TRHDE: variants seen among roughly 807,000 people sequenced by gnomAD.
TRHDE encodes the protein thyrotropin-releasing hormone-degrading ectoenzyme.
In TRHDE, 72 loss-of-function variants were observed where a neutral mutation model predicts 125.7. The ratio of observed to expected loss-of-function variants is 0.57; its 90% confidence interval spans 0.47 to 0.70. The LOEUF is 0.70. Ranked by LOEUF, TRHDE falls within the 30% of genes least tolerant of loss-of-function variation. The probability of loss-of-function intolerance (pLI) is 0.00; values close to 1 mark genes in which losing one functional copy is unlikely to be tolerated. For missense variants in TRHDE, 1,110 were observed against 1,327.1 expected (o/e 0.84, Z 2.54); for synonymous variants, 509 against 509.1 (o/e 1.00, Z 0.00).
At chr12:72,641,411 A>G (rs1176934304) in intron 15 of TRHDE, among the ~76,000 whole-genome samples, 2 of 152,338 alleles carry the variant, frequency 1.3e-5, no homozygotes, top group African/African-American at 2.4e-5. Flanking sequence ...GAAAAGAAAG[A>G]GTAGTTACCT....
intron 2 of TRHDE, among the ~76,000 whole-genome samples, chr12:72,239,391 T>C (rs1394745301): frequency 6.6e-6 from 1 of 152,248 alleles, no homozygotes; most frequent in African/African-American, 2.4e-5. Flanking sequence ...TTTAGTTTAA[T>C]TAGACCCCAT....
At chr12:72,658,866 C>G (rs999569536) in intron 18 of TRHDE, among the ~76,000 whole-genome samples, 4 of 152,154 alleles carry the variant, frequency 2.6e-5, no homozygotes, top group Admixed American at 6.5e-5. Context: ...TTAACAGATG[C>G]TGCCTGAGGC....
chr12:72,314,861 G>A (rs1263541611), intron 2 of TRHDE, among the ~76,000 whole-genome samples: 1 of 152,110 alleles, frequency 6.6e-6, no homozygotes, highest in Admixed American at 6.5e-5. Flanking sequence ...TTGGAAATGT[G>A]GTTACACTTA....
chr12:72,096,951 G>A (rs1362986508), intron 1 of TRHDE, among the ~76,000 whole-genome samples: 1 of 152,178 alleles, frequency 6.6e-6, no homozygotes. Context: ...GCAGAAAAGA[G>A]TGCTAACAAA....
chr12:72,562,016 G>T, intron 7 of TRHDE, 149 bp from the exon 8 acceptor site: 1 of 464,028 alleles, frequency 2.2e-6, no homozygotes, highest in Non-Finnish European at 3.9e-6. Flanking sequence ...AATCTCTTTG[G>T]AATATTTTTA....
chr12:72,280,416 C>A (rs1053171931), intron 1 of TRHDE, among the ~76,000 whole-genome samples: 4 of 152,106 alleles, frequency 2.6e-5, no homozygotes, highest in African/African-American at 9.7e-5. Flanking sequence ...TTTGGGGTTT[C>A]CCCTTGCTGG....
intron 15 of TRHDE, among the ~76,000 whole-genome samples, chr12:72,634,007 G>T (rs1159864117): frequency 6.6e-6 from 1 of 152,032 alleles, no homozygotes; most frequent in Non-Finnish European, 1.5e-5. Context: ...AGAACAATTT[G>T]CTATTTTCCC....
At chr12:72,148,741 A>G (rs1876285632) in intron 2 of TRHDE, among the ~76,000 whole-genome samples, 2 of 152,190 alleles carry the variant, frequency 1.3e-5, no homozygotes, top group Non-Finnish European at 2.9e-5. Flanking sequence ...TCTTCCAAGC[A>G]CGTTTCAATC....
intron 3 of TRHDE, among the ~76,000 whole-genome samples, chr12:72,412,816 A>G (rs1565731936): frequency 6.6e-6 from 1 of 152,156 alleles, no homozygotes; most frequent in African/African-American, 2.4e-5. Flanking sequence ...AATTTCATGT[A>G]TATGAAATTA....
chr12:72,381,830 A>G lies in TRHDE; in HGVS notation c.1315+3709A>G, dbSNP rs1184406148. Among the ~76,000 whole-genome samples the G allele has an allele frequency of 9.8e-5, 15 of 152,324 alleles. No individual in the cohort carries two copies. In the South Asian group the frequency reaches 1.9e-3, roughly 19 times the overall value. ...TGAGACAGAAGGATTGTGGAAGGTGATAATTTTTGAGACTGACATGTCTAT... is the reference window on the plus strand; with the variant it reads ...TGAGACAGAAGGATTGTGGAAGGTGGTAATTTTTGAGACTGACATGTCTAT... On this transcript the variant is annotated intron_variant, in intron 3 of 18. Coordinates refer to ENST00000261180, the MANE Select transcript of TRHDE (RefSeq NM_013381.3).
chr12:72,635,128 A>G (rs1274726716), intron 15 of TRHDE, among the ~76,000 whole-genome samples: 2 of 150,706 alleles, frequency 1.3e-5, no homozygotes, highest in Non-Finnish European at 3.0e-5. Context: ...ACAGTGTAAA[A>G]GTGTTCCTAT....
intron 6 of TRHDE, among the ~76,000 whole-genome samples, chr12:72,541,937 T>G (rs1460532877): frequency 6.6e-6 from 1 of 151,432 alleles, no homozygotes; most frequent in Non-Finnish European, 1.5e-5. Flanking sequence ...TATCCTTCCC[T>G]GAGCAAATTA....
At chr12:72,576,364 G>A (rs977252160) in intron 12 of TRHDE, among the ~76,000 whole-genome samples, 2 of 152,042 alleles carry the variant, frequency 1.3e-5, no homozygotes, top group Non-Finnish European at 2.9e-5. Flanking sequence ...ATTAACACAT[G>A]ACTTATTTTA....
rs76849186 is a variant in TRHDE at position 72,178,270 on chromosome 12, G to A, written n.279+72518G>A. Reference sequence around the variant, plus strand: ...TAGGATAATCAGGTCCAGATATTGAGTCATCAGACAGTTTACTGCTATTAT... The same window carrying A: ...TAGGATAATCAGGTCCAGATATTGAATCATCAGACAGTTTACTGCTATTAT... On this transcript the variant is annotated intron_variant and non_coding_transcript_variant, in intron 2 of 4. Coordinates refer to the TRHDE transcript ENST00000548156. Among the ~76,000 whole-genome samples the A allele has an allele frequency of 6.8e-4, 103 of 152,134 alleles. 1 individual carries two copies. The East Asian group carries it at 0.016, about 24-fold the overall frequency.
chr12:72,659,572 C>A (rs1210706463), intron 18 of TRHDE, among the ~76,000 whole-genome samples: 1 of 152,074 alleles, frequency 6.6e-6, no homozygotes, highest in African/African-American at 2.4e-5. Flanking sequence ...TTATGTTTTA[C>A]AATCTACTCT....
intron 12 of TRHDE, among the ~76,000 whole-genome samples, chr12:72,610,129 A>G (rs1247062393): frequency 6.6e-6 from 1 of 152,202 alleles, no homozygotes; most frequent in African/African-American, 2.4e-5. Context: ...TATTCTTTTA[A>G]AATGAATTCA....
intron 1 of TRHDE, among the ~76,000 whole-genome samples, chr12:72,282,565 G>A (rs1487666357): frequency 6.6e-6 from 1 of 152,184 alleles, no homozygotes; most frequent in Non-Finnish European, 1.5e-5. Flanking sequence ...AGAAAAAAGA[G>A]TATCAAGGTT....
At chr12:72,187,308 ACAACACACACACACAC>A (rs1398114742) in intron 2 of TRHDE, among the ~76,000 whole-genome samples, 1 of 132,688 alleles carries the variant, frequency 7.5e-6, no homozygotes, top group Non-Finnish European at 1.6e-5. Context: ...TCAGAGAAAC[ACAACACACACACACAC>A]ACACACACAC....
At chr12:72,577,490 A>G (rs1325637318) in intron 12 of TRHDE, among the ~76,000 whole-genome samples, 2 of 152,112 alleles carry the variant, frequency 1.3e-5, no homozygotes, top group Admixed American at 1.3e-4. Flanking sequence ...TCTTAGAAGT[A>G]ATAGTATTTA....
Sources: gnomAD v4.1 joint callset for allele counts (sites outside exome capture counted in the v4.1 genomes callset) on GRCh38, gnomAD v4.1.1 for gene constraint, MANE v1.5 for transcripts, NCBI Gene and HGNC (gene_info 2026-07-23, HGNC 2026-07-21) for gene names.